The following CDH23 variants were observed in gnomAD, a reference collection of about 807,000 sequenced individuals.
CDH23 encodes the protein cadherin related 23.
CDH23 carries 189 observed loss-of-function variants against 317.1 expected under a neutral mutation model. That is an observed-to-expected ratio of 0.60 (90% CI 0.53 to 0.67). CDH23 has a LOEUF of 0.67. Among genes scored for constraint, CDH23 ranks in the 30% least tolerant of loss-of-function variants. The probability of loss-of-function intolerance (pLI) is 0.00; values close to 1 mark genes in which losing one functional copy is unlikely to be tolerated. For missense variants in CDH23, 4,401 were observed against 4,592.4 expected, an observed-to-expected ratio of 0.96 and a Z score of 1.20; for synonymous variants, 1,839 against 1,876.8, an observed-to-expected ratio of 0.98 and a Z score of 0.52.
intron 6 of CDH23, among the ~76,000 whole-genome samples, chr10:71,549,941 G>C (rs1049896498): frequency 1.7e-4 from 26 of 152,266 alleles, no homozygotes; most frequent in Middle Eastern, 3.4e-3. Context: ...CACAGAGCAG[G>C]GTGGAGAGTT....
At position 71,790,535 on chromosome 10, in the gene CDH23, T is replaced by C; in HGVS notation, c.6049+122T>C. The C allele has an allele frequency of 3.8e-6, 5 of 1,306,164 alleles. 1 individual carries two copies. In the South Asian group the frequency reaches 7.2e-5, roughly 19 times the overall value. 80.9% of individuals were successfully genotyped at this position (1,306,164 alleles called of 1,614,324 possible). A position where few individuals can be genotyped will look rare whatever the true frequency, so the allele number is the denominator to read the frequency against. ...AGGCTGTCCGTGGAGACCCCATTTT[T>C]CACAGCCCAGAGTCCCCATCTTGCA... On this transcript the variant is annotated intron_variant, in intron 46 of 69. Transcript: ENST00000224721.
chr10:71,488,668 A>G (rs1852482257), intron 3 of CDH23, among the ~76,000 whole-genome samples: 1 of 152,216 alleles, frequency 6.6e-6, no homozygotes, highest in Non-Finnish European at 1.5e-5. Flanking sequence ...CCTGGCAACA[A>G]TCAGTGGGAA....
rs876657759 is a variant in CDH23, at chr10:71,811,576, G to C, written c.9264G>C (p.Trp3088Cys). The C allele has an allele frequency of 1.2e-6, 2 of 1,613,976 alleles. No homozygotes were observed. The highest frequency in any genetic ancestry group is 3.3e-5 in the Admixed American group (2 of 60,032). The change falls in exon 64 of 70, where the codon TGG (tryptophan) becomes TGC (cysteine). Residue 3088 changes from tryptophan (W) to cysteine (C), a missense_variant. Transcript: ENST00000224721. The stretch of plus-strand genomic sequence containing the variant: ...CCATGCTCTTTGTCCTCATGAACTG[G>C]TACTACAGGACTGTGTGAGTGTCCC... ...LAAMLFVLMN[W>C]YYRTVHKRKL...
At chr10:71,680,207 C>T (rs1564728228) in intron 17 of CDH23, among the ~76,000 whole-genome samples, 1 of 152,230 alleles carries the variant, frequency 6.6e-6, no homozygotes, top group Non-Finnish European at 1.5e-5. Context: ...TTTGTTCCTT[C>T]TGCCAGGAAA....
At chr10:71,593,782 C>G (rs866439951) in intron 9 of CDH23, among the ~76,000 whole-genome samples, 2 of 152,312 alleles carry the variant, frequency 1.3e-5, no homozygotes, top group Middle Eastern at 3.4e-3. Flanking sequence ...GAGCCAAATC[C>G]TCCCTGTTTT....
chr10:71,651,356 C>G (rs61852012), intron 14 of CDH23, among the ~76,000 whole-genome samples: 1 of 142,692 alleles, frequency 7.0e-6, no homozygotes, highest in East Asian at 2.2e-4. Context: ...ATGGCAAAAC[C>G]CTGTCTCTGC....
In CDH23 at chr10:71,644,013, G is replaced by A. The variant is rs553468076; in HGVS notation, c.1140+147G>A. ...TGTGGTTGAGGGACCAAAGGTTCAGGGGAAGGAGAGGAGTTGGTGTCACCT... is the reference window on the plus strand; with the variant it reads ...TGTGGTTGAGGGACCAAAGGTTCAGAGGAAGGAGAGGAGTTGGTGTCACCT... On this transcript the variant is annotated intron_variant, in intron 12 of 69. Transcript: ENST00000224721. 374 of 640,104 alleles carry A rather than the reference G, an allele frequency of 5.8e-4. No homozygotes were observed. In the African/African-American group the frequency reaches 5.9e-3, roughly 10 times the overall value. 39.7% of individuals were successfully genotyped at this position (640,104 alleles called of 1,614,324 possible). A position where few individuals can be genotyped will look rare whatever the true frequency, so the allele number is the denominator to read the frequency against.
rs147322966 is a variant in CDH23 at position 71,456,744 on chromosome 10, G to A, written c.145+10349G>A. ...CATACTTAATCTCTCTAGATCAGCCGTTCATACACATTGCTTCGTTGAATT... is the reference window on the plus strand; with the variant it reads ...CATACTTAATCTCTCTAGATCAGCCATTCATACACATTGCTTCGTTGAATT... On this transcript the variant is annotated intron_variant, in intron 3 of 69. Transcript: ENST00000224721. Among the ~76,000 whole-genome samples the A allele has an allele frequency of 3.4e-4, 52 of 152,322 alleles. No individual in the cohort carries two copies. The East Asian group carries it at 3.7e-3, about 11-fold the overall frequency.
intron 28 of CDH23, chr10:71,713,286 C>G (rs777200621): frequency 3.8e-6 from 3 of 779,428 alleles, no homozygotes; most frequent in Non-Finnish European, 7.2e-6. Flanking sequence ...GCAACAGCTC[C>G]AAGGCTCAGA....
chr10:71,519,081 G>T (rs779586887), intron 6 of CDH23, among the ~76,000 whole-genome samples: 1 of 152,136 alleles, frequency 6.6e-6, no homozygotes, highest in Non-Finnish European at 1.5e-5. Flanking sequence ...CAGTTTCCTC[G>T]CCGATTCTAG....
Position 71,814,982 on chromosome 10 carries a change from G to T in CDH23, c.9769G>T (p.Gly3257Ter). Reference protein sequence around the residue: ...LIQTELDEEPGDHSPGQGSLR... With the variant: ...LIQTELDEEP Reference sequence around the variant, plus strand: ...ACAGACTGAGCTGGACGAGGAGCCAGGAGACCACAGCCCAGGGCAGGGTAG... The same window carrying T: ...ACAGACTGAGCTGGACGAGGAGCCATGAGACCACAGCCCAGGGCAGGGTAG... The change falls in exon 70 of 70, where the codon GGA becomes TGA. Residue 3257 changes from glycine to a stop codon, truncating the protein, a stop_gained. Coordinates refer to ENST00000224721, the MANE Select transcript of CDH23 (RefSeq NM_022124.6). LOFTEE classifies it high-confidence loss of function. 1 of 1,612,450 alleles carries T rather than the reference G, an allele frequency of 6.2e-7. No individual in the cohort carries two copies.
intron 6 of CDH23, among the ~76,000 whole-genome samples, chr10:71,512,683 T>A (rs1225766668): frequency 1.3e-5 from 2 of 152,202 alleles, no homozygotes; most frequent in Non-Finnish European, 2.9e-5. Flanking sequence ...CTCCTGCCCT[T>A]GGGCTGGGGG....
chr10:71,778,085 C>T, intron 39 of CDH23, 104 bp from the exon 40 acceptor site: 2 of 1,523,022 alleles, frequency 1.3e-6, no homozygotes, highest in South Asian at 1.2e-5. Context: ...GCAGTGGTTC[C>T]CCATCACAGC....
chr10:71,536,694 C>T (rs1178344493), intron 6 of CDH23, among the ~76,000 whole-genome samples: 1 of 152,102 alleles, frequency 6.6e-6, no homozygotes, highest in Admixed American at 6.5e-5. Context: ...TCCCCTGTCC[C>T]ATCCAGACCC....
chr10:71,798,369 A>G lies in CDH23; in HGVS notation c.6845A>G (p.Asn2282Ser), dbSNP rs763763683. ...TCCACCACAGCCAAGCTGACTGTCA[A>G]CGTCCTGGACGTCAATGACAATACG... ...VSVPNAKLTV[N>S]VLDVNDNTPQ... Residue 2282 changes from asparagine (N) to serine (S), a missense_variant, in exon 50 of 70, where the codon AAC becomes AGC. Coordinates refer to ENST00000224721, the MANE Select transcript of CDH23 (RefSeq NM_022124.6). 1.2e-6 allele frequency: 2 copies of G among 1,613,686 alleles called. No individual in the cohort carries two copies. The highest frequency in any genetic ancestry group is 8.5e-7 in the Non-Finnish European group (1 of 1,179,622).
intron 38 of CDH23, chr10:71,773,637 G>A (rs780712523): frequency 1.0e-4 from 49 of 471,606 alleles, no homozygotes; most frequent in Non-Finnish European, 1.5e-4. Context: ...AGGGCCGCGT[G>A]GGAGGGGCTT....
Position 71,734,282 on chromosome 10 carries a change from G to A in CDH23, c.4147G>A (p.Asp1383Asn), listed in dbSNP as rs752442832. 13 of 1,612,544 alleles carry A rather than the reference G, an allele frequency of 8.1e-6. No homozygotes were observed. The highest frequency in any genetic ancestry group is 5.0e-5 in the Admixed American group (3 of 59,900). ...GGGCCTGGTGGACCGTGAGAAGGGC[G>A]ACTTCTATACCTTGACAGTGGTGGC... ...VQGLVDREKG[D>N]FYTLTVVADD... Residue 1383 changes from aspartate to asparagine, a missense_variant, in exon 33 of 70, where the codon GAC becomes AAC. By Grantham distance (23) the Asp-to-Asn change is conservative. Coordinates refer to ENST00000224721, the MANE Select transcript of CDH23 (RefSeq NM_022124.6).
intron 17 of CDH23, among the ~76,000 whole-genome samples, chr10:71,681,450 T>C (rs1864646214): frequency 6.6e-6 from 1 of 152,154 alleles, no homozygotes; most frequent in Non-Finnish European, 1.5e-5. Flanking sequence ...TCCCTGCAAA[T>C]CCTGCCTCTC....
chr10:71,630,055 T>C (rs937495057), intron 11 of CDH23, among the ~76,000 whole-genome samples: 1 of 152,204 alleles, frequency 6.6e-6, no homozygotes. Flanking sequence ...AACGTATCAC[T>C]CTGTCACTCA....
Sources: gnomAD v4.1 joint callset for allele counts (sites outside exome capture counted in the v4.1 genomes callset) on GRCh38, gnomAD v4.1.1 for gene constraint, MANE v1.5 for transcripts, NCBI Gene and HGNC (gene_info 2026-07-23, HGNC 2026-07-21) for gene names.